Variants in SUGCT observed in about 807,000 individuals in gnomAD.
The protein encoded by SUGCT is succinyl-CoA:glutarate-CoA transferase.
In SUGCT, 41 loss-of-function variants were observed where a neutral mutation model predicts 55.0. The observed-to-expected ratio is 0.74, with a 90% CI of 0.58 to 0.97. SUGCT has a LOEUF of 0.97. Ranked by LOEUF, SUGCT falls within the 50% of genes least tolerant of loss-of-function variation. The pLI, the probability that SUGCT is intolerant of heterozygous loss-of-function variation, is 0.00. For synonymous variants in SUGCT, 187 were observed against 200.4 expected (o/e 0.93, Z 0.56); for missense variants, 568 against 547.8 (o/e 1.04, Z -0.37).
At position 40,615,632 on chromosome 7, in the gene SUGCT, C is replaced by A. The variant is rs141397396; in HGVS notation, c.1089+119246C>A. Among the ~76,000 whole-genome samples, 163 of 152,248 alleles carry A rather than the reference C, an allele frequency of 1.1e-3. 1 individual carries two copies. The highest frequency in any genetic ancestry group is 3.8e-3 in the African/African-American group (158 of 41,532). ...TCTGCTGTTCAGTGGAGAAGTTGGG[C>A]AGAATACATGATCTCCTAGGTTCTT... On this transcript the variant is annotated intron_variant, in intron 12 of 13. Transcript: ENST00000335693.
intron 10 of SUGCT, 67 bp downstream of exon 10, chr7:40,449,425 A>C (rs1266277349): frequency 3.2e-6 from 4 of 1,241,552 alleles, no homozygotes; most frequent in Admixed American, 1.9e-5. Context: ...AGTTTTGCCC[A>C]GGTCACAACC....
Position 40,425,515 on chromosome 7 carries a change from A to G in SUGCT, c.817-23772A>G, listed in dbSNP as rs571482973. Among the ~76,000 whole-genome samples the G allele has an allele frequency of 2.0e-5, 3 of 152,276 alleles. No individual in the cohort carries two copies. The South Asian group carries it at 6.2e-4, about 32-fold the overall frequency. On this transcript the variant is annotated intron_variant, in intron 9 of 13. Transcript: ENST00000335693. ...ATCCTGATCTCTTGTCTTCAACTCC[A>G]TAACATTTTGGGAAGAGAAATGAAA...
intron 12 of SUGCT, among the ~76,000 whole-genome samples, chr7:40,515,733 A>G (rs1793196871): frequency 6.6e-6 from 1 of 152,132 alleles, no homozygotes; most frequent in African/African-American, 2.4e-5. Flanking sequence ...AGGCATTTGT[A>G]TTGTATCCAA....
At chr7:40,733,011 G>A (rs1289603018) in intron 12 of SUGCT, among the ~76,000 whole-genome samples, 2 of 152,132 alleles carry the variant, frequency 1.3e-5, no homozygotes, top group Non-Finnish European at 2.9e-5. Flanking sequence ...GGAGGCAGAG[G>A]TGAGCTGAAA....
rs192897265 is a variant in SUGCT, at chr7:40,421,288, G to T, written c.817-27999G>T. ...CACTTTTACTCATCTAGTTTTCCAA[G>T]TCTCCATGTTGTTGTCAAGTTCCTG... is the stretch of plus-strand genomic sequence containing the variant. On this transcript the variant is annotated intron_variant, in intron 9 of 13. Transcript: ENST00000335693. 2.6e-5 allele frequency among the ~76,000 whole-genome samples: 4 copies of T among 152,162 alleles called. No individual in the cohort carries two copies. The East Asian group carries it at 7.7e-4, about 29-fold the overall frequency.
intron 12 of SUGCT, among the ~76,000 whole-genome samples, chr7:40,717,894 A>G (rs34381290): frequency 0.061 from 9,273 of 152,006 alleles, 389 homozygotes; most frequent in Middle Eastern, 0.096. Flanking sequence ...GTAGTTACTG[A>G]AAATGGTACA....
chr7:40,583,059 A>G (rs543045499), intron 12 of SUGCT, among the ~76,000 whole-genome samples: 46 of 152,320 alleles, frequency 3.0e-4, no homozygotes, highest in African/African-American at 7.5e-4. Context: ...TAGCAGCTCA[A>G]TAATTTGCCT....
chr7:40,664,979 CA>C (rs11344902), intron 12 of SUGCT, among the ~76,000 whole-genome samples: 24,092 of 109,248 alleles, frequency 0.22, 3,516 homozygotes, highest in African/African-American at 0.46. Context: ...GACTCTGTCT[CA>C]AAAAAAAAAA....
chr7:40,419,177 C>T (rs961571979), intron 9 of SUGCT, among the ~76,000 whole-genome samples: 17 of 152,274 alleles, frequency 1.1e-4, no homozygotes, highest in Non-Finnish European at 8.8e-5. Context: ...TTCATGTTTA[C>T]ATATTGTAAA....
chr7:40,225,552 T>C (rs1418808594), intron 6 of SUGCT, among the ~76,000 whole-genome samples: 2 of 151,608 alleles, frequency 1.3e-5, no homozygotes, highest in Non-Finnish European at 2.9e-5. Context: ...TTCTCCTGCC[T>C]CACCCTCCAA....
At chr7:40,840,202 G>T (rs1018524596) in intron 13 of SUGCT, among the ~76,000 whole-genome samples, 1 of 152,090 alleles carries the variant, frequency 6.6e-6, no homozygotes, top group Admixed American at 6.5e-5. Context: ...GAGCCACTTT[G>T]TGAACTCCAT....
intron 6 of SUGCT, among the ~76,000 whole-genome samples, chr7:40,224,817 G>T (rs1788234894): frequency 6.6e-6 from 1 of 152,164 alleles, no homozygotes; most frequent in African/African-American, 2.4e-5. Context: ...TATGGATGTT[G>T]ATGTTCCAAG....
At chr7:40,510,479 C>T (rs1044414050) in intron 12 of SUGCT, among the ~76,000 whole-genome samples, 3 of 151,902 alleles carry the variant, frequency 2.0e-5, no homozygotes, top group African/African-American at 7.3e-5. Flanking sequence ...CTGCATTGGT[C>T]GGGGTGAGGG....
the SUGCT span, among the ~76,000 whole-genome samples, chr7:41,031,204 T>C: frequency 6.6e-6 from 1 of 152,062 alleles, no homozygotes; most frequent in African/African-American, 2.4e-5. Context: ...AATCAAGAAT[T>C]CTCTGTCTTC....
chr7:40,572,935 C>T (rs1161976822), intron 12 of SUGCT, among the ~76,000 whole-genome samples: 1 of 152,182 alleles, frequency 6.6e-6, no homozygotes, highest in Non-Finnish European at 1.5e-5. Flanking sequence ...ATCTTGACGT[C>T]ATCTGTCCTC....
chr7:40,400,212 C>A (rs1454803712), intron 9 of SUGCT, among the ~76,000 whole-genome samples: 2 of 151,562 alleles, frequency 1.3e-5, no homozygotes, highest in Non-Finnish European at 1.5e-5. Context: ...GGATTTTCTT[C>A]TTTCTTCCTG....
intron 1 of SUGCT, among the ~76,000 whole-genome samples, chr7:40,140,734 T>C (rs1262028772): frequency 1.3e-5 from 2 of 152,194 alleles, no homozygotes; most frequent in Non-Finnish European, 1.5e-5. Flanking sequence ...ATGAGTATTA[T>C]GCTGTTTTGG....
At chr7:40,596,658 G>A (rs1463086518) in intron 12 of SUGCT, among the ~76,000 whole-genome samples, 1 of 152,136 alleles carries the variant, frequency 6.6e-6, no homozygotes, top group African/African-American at 2.4e-5. Context: ...ATTGAACACT[G>A]GGGGTCTGGT....
intron 13 of SUGCT, among the ~76,000 whole-genome samples, chr7:40,788,504 G>A (rs1790148342): frequency 6.6e-6 from 1 of 152,188 alleles, no homozygotes; most frequent in Non-Finnish European, 1.5e-5. Flanking sequence ...AAAGGTGAAA[G>A]TAGGAAGTTT....
Sources: allele counts gnomAD v4.1 joint callset (sites outside exome capture counted in the v4.1 genomes callset), GRCh38; gene constraint gnomAD v4.1.1; transcripts MANE v1.5; gene names NCBI Gene and HGNC (gene_info 2026-07-23, HGNC 2026-07-21).